Variants in EHBP1 observed in about 807,000 individuals in gnomAD.
The protein encoded by EHBP1 is EH domain binding protein 1.
EHBP1 carries 55 observed loss-of-function variants against 144.0 expected under a neutral mutation model. The ratio of observed to expected loss-of-function variants is 0.38; its 90% confidence interval spans 0.31 to 0.48. The LOEUF is 0.48. EHBP1 is among the 20% of genes least tolerant of loss of function. EHBP1 has a pLI of 0.98. For missense variants in EHBP1, 1,200 were observed against 1,364.2 expected, an observed-to-expected ratio of 0.88 and a Z score of 1.90; for synonymous variants, 469 against 472.7, an observed-to-expected ratio of 0.99 and a Z score of 0.10.
rs1229326610 is a variant in EHBP1 at position 63,030,850 on chromosome 2, C to T, written c.3104-6685C>T. On this transcript the variant is annotated intron_variant, in intron 19 of 22. Transcript: ENST00000431489. ...TCGCTCTGTCGTCCAGGCTGGAGTG[C>T]AGTGGTGTGGTCTCAGCTCACTGCA... is the stretch of plus-strand genomic sequence containing the variant. Among the ~76,000 whole-genome samples the T allele has an allele frequency of 3.7e-5, 5 of 133,840 alleles. 1 individual carries two copies. The East Asian group carries it at 1.1e-3, about 31-fold the overall frequency. The allele number at this position is 133,840 out of a possible 152,430, so 87.8% of individuals were successfully genotyped here.
At chr2:62,879,415 C>T (rs896229789) in intron 10 of EHBP1, among the ~76,000 whole-genome samples, 1 of 151,944 alleles carries the variant, frequency 6.6e-6, no homozygotes, top group African/African-American at 2.4e-5. Context: ...CTCCTAGATC[C>T]AATAAAAAGC....
Position 62,949,976 on chromosome 2 carries a change from T to C in EHBP1, c.2316+814T>C, listed in dbSNP as rs180788323. Reference sequence around the variant, plus strand: ...AGCTATTGAAAGAGCTCTTTTAGACTTATTTAGGCATAGATTATTTGATCA... The same window carrying C: ...AGCTATTGAAAGAGCTCTTTTAGACCTATTTAGGCATAGATTATTTGATCA... On this transcript the variant is annotated intron_variant, in intron 13 of 22. Transcript: ENST00000431489. 2.5e-3 allele frequency among the ~76,000 whole-genome samples: 377 copies of C among 152,316 alleles called. 4 individuals are homozygous for C. Among genetic ancestry groups the C allele is most frequent in the African/African-American group, 8.7e-3 (361 of 41,566 alleles).
At chr2:62,734,688 T>C (rs958341313) in intron 2 of EHBP1, among the ~76,000 whole-genome samples, 2 of 152,162 alleles carry the variant, frequency 1.3e-5, no homozygotes, top group African/African-American at 4.8e-5. Context: ...TTTGTTACTG[T>C]TCTCTATTTG....
intron 5 of EHBP1, among the ~76,000 whole-genome samples, chr2:62,793,291 A>G (rs994519149): frequency 9.2e-5 from 14 of 152,084 alleles, no homozygotes; most frequent in African/African-American, 2.9e-4. Context: ...CTTTTTTTCA[A>G]CCACTCACAA....
chr2:62,939,199 G>A (rs1239319631), intron 10 of EHBP1, among the ~76,000 whole-genome samples: 3 of 152,286 alleles, frequency 2.0e-5, no homozygotes, highest in East Asian at 1.9e-4. Flanking sequence ...TGATAAGTCC[G>A]TGGAAAAAGT....
In EHBP1 at chr2:62,707,283, G is replaced by A. The variant is rs2034682607; in HGVS notation, c.92G>A (p.Cys31Tyr). The A allele has an allele frequency of 6.2e-7, 1 of 1,613,678 alleles. No homozygotes were observed. The highest frequency in any genetic ancestry group is 8.5e-7 in the Non-Finnish European group (1 of 1,179,548). The change falls in exon 2 of 23, where the codon TGT becomes TAT. Residue 31 changes from cysteine to tyrosine, a missense_variant. Cys to Tyr is a radical substitution (Grantham distance 194). This residue lies in a region of EHBP1 where 137 missense variants were observed against 190.1 expected (regional missense o/e 0.72). Transcript: ENST00000431489. ...VASYQELMVE[C>Y]TKKWQPDKLV... ...TCCTACCAGGAGCTCATGGTTGAGT[G>A]TACGAAGAAATGGTAAGATGTACCT...
intron 5 of EHBP1, among the ~76,000 whole-genome samples, chr2:62,822,936 A>G (rs1324875385): frequency 6.6e-6 from 1 of 152,192 alleles, no homozygotes; most frequent in Non-Finnish European, 1.5e-5. Flanking sequence ...GTTATGAAAA[A>G]TAAGTGACAT....
intron 19 of EHBP1, among the ~76,000 whole-genome samples, chr2:63,008,633 T>C (rs1246002362): frequency 1.3e-5 from 2 of 150,924 alleles, no homozygotes; most frequent in African/African-American, 4.8e-5. Context: ...TTTTTTTTTT[T>C]CTTATTTGGC....
At chr2:63,029,334 A>G (rs1031932934) in intron 19 of EHBP1, among the ~76,000 whole-genome samples, 1 of 151,950 alleles carries the variant, frequency 6.6e-6, no homozygotes, top group African/African-American at 2.4e-5. Flanking sequence ...AACACTAACT[A>G]TAGACTTTGT....
At chr2:62,871,518 G>T (rs2050483274) in intron 9 of EHBP1, among the ~76,000 whole-genome samples, 1 of 152,172 alleles carries the variant, frequency 6.6e-6, no homozygotes, top group African/African-American at 2.4e-5. Flanking sequence ...AAAGAACTCT[G>T]TTTGTATTAA....
Position 62,874,454 on chromosome 2 carries a change from A to C in EHBP1, c.1107A>C (p.Pro369=), listed in dbSNP as rs140832052. The part of the protein sequence containing the change: ...ERRVKRKAPA[P]PVLSPKTGVL... ...GAGTGAAAAGAAAGGCCCCGGCTCCACCAGTCCTCTCACCAAAAACAGGAG... is the reference window on the plus strand; with the variant it reads ...GAGTGAAAAGAAAGGCCCCGGCTCCCCCAGTCCTCTCACCAAAAACAGGAG... The change falls in exon 10 of 23, where the codon CCA becomes CCC. Residue 369 remains proline, a synonymous_variant. Transcript: ENST00000431489. The C allele has an allele frequency of 1.2e-6, 2 of 1,613,564 alleles. No homozygotes were observed. The highest frequency in any genetic ancestry group is 1.3e-5 in the African/African-American group (1 of 74,928).
At chr2:62,729,333 AAT>A (rs1343079663) in intron 2 of EHBP1, among the ~76,000 whole-genome samples, 9 of 126,282 alleles carry the variant, frequency 7.1e-5, no homozygotes, top group African/African-American at 2.4e-4. Context: ...AATATAATAT[AAT>A]ATATATAATA....
At chr2:62,723,387 G>GA (rs2036424210) in intron 2 of EHBP1, among the ~76,000 whole-genome samples, 2 of 152,096 alleles carry the variant, frequency 1.3e-5, no homozygotes, top group Admixed American at 6.5e-5. Flanking sequence ...TTGCATGTGA[G>GA]GTGGGTCTCT....
At chr2:62,721,946 A>G (rs553655715) in intron 2 of EHBP1, among the ~76,000 whole-genome samples, 4 of 152,282 alleles carry the variant, frequency 2.6e-5, no homozygotes, top group Admixed American at 6.5e-5. Flanking sequence ...TTGCAAACAC[A>G]ATACAAATAA....
At chr2:62,931,328 T>C (rs1323101059) in intron 10 of EHBP1, among the ~76,000 whole-genome samples, 1 of 152,142 alleles carries the variant, frequency 6.6e-6, no homozygotes, top group Non-Finnish European at 1.5e-5. Context: ...TGAGATACCA[T>C]CTCACACCCA....
chr2:62,714,363 T>G (rs112422098), intron 2 of EHBP1, among the ~76,000 whole-genome samples: 151 of 152,354 alleles, frequency 9.9e-4, no homozygotes, highest in African/African-American at 3.3e-3. Context: ...ATTAGTTTAG[T>G]CTTATTCCAC....
chr2:62,873,200 C>CA (rs566233052), intron 9 of EHBP1, among the ~76,000 whole-genome samples: 13 of 151,806 alleles, frequency 8.6e-5, no homozygotes, highest in Non-Finnish European at 1.6e-4. Context: ...AGTCAGGAGA[C>CA]AAAAGAAATA....
chr2:62,869,532 A>G (rs1016499291), intron 9 of EHBP1, among the ~76,000 whole-genome samples: 3 of 152,210 alleles, frequency 2.0e-5, no homozygotes, highest in Admixed American at 6.5e-5. Context: ...AGAAAATACT[A>G]TACTGTGTGA....
rs70962802 is a variant in EHBP1, at chr2:63,043,920, C to CTT, written c.3278-1096_3278-1095dup. 2.1e-4 allele frequency: 2 copies of CTT among 9,404 alleles called. 1 individual carries two copies. The highest frequency in any genetic ancestry group is 8.5e-4 in the African/African-American group (2 of 2,354). The allele number at this position is 9,404 out of a possible 1,614,324, so 0.6% of individuals were successfully genotyped here. A position where few individuals can be genotyped will look rare whatever the true frequency, so the allele number is the denominator to read the frequency against. On this transcript the variant is annotated intron_variant, in intron 21 of 22. Coordinates refer to ENST00000431489, the MANE Select transcript of EHBP1 (RefSeq NM_001142616.3). ...GCTGCAGGAGTCAGTGGCCATGGTT[C>CTT]TTTTTTTTTTTTTTTTTTTTTTTTT... is the stretch of plus-strand genomic sequence containing the variant.
Sources: gnomAD v4.1 joint callset for allele counts (sites outside exome capture counted in the v4.1 genomes callset) on GRCh38, gnomAD v4.1.1 for gene constraint, gnomAD v4.1.1 regional missense constraint, MANE v1.5 for transcripts, NCBI Gene and HGNC (gene_info 2026-07-23, HGNC 2026-07-21) for gene names.